Variants in NRG3 observed in about 807,000 individuals in gnomAD.
NRG3 encodes the protein neuregulin 3, also known as pro-neuregulin-3, membrane-bound isoform.
In NRG3, 31 loss-of-function variants were observed where a neutral mutation model predicts 66.9. The ratio of observed to expected loss-of-function variants is 0.46; its 90% confidence interval spans 0.35 to 0.63. The LOEUF (loss-of-function observed/expected upper bound fraction) is 0.63. NRG3 is among the 20% of genes least tolerant of loss of function. NRG3 has a pLI of 0.00. For synonymous variants in NRG3, 393 were observed against 359.4 expected, an observed-to-expected ratio of 1.09 and a Z score of -1.06; for missense variants, 910 against 878.9, an observed-to-expected ratio of 1.04 and a Z score of -0.45.
Position 82,741,660 on chromosome 10 carries a change from G to A in NRG3, c.1027+3010G>A, listed in dbSNP as rs151002014. On this transcript the variant is annotated intron_variant, in intron 3 of 8. Coordinates refer to ENST00000372141, the MANE Select transcript of NRG3 (RefSeq NM_001010848.4). ...CCACATTTTATAGATGAGAAAATTA[G>A]ACCTCAGGGAAGCTAAGTAAACTTG... Among the ~76,000 whole-genome samples the A allele has an allele frequency of 1.7e-4, 26 of 152,248 alleles. No individual in the cohort carries two copies. In the South Asian group the frequency reaches 5.0e-3, roughly 29 times the overall value.
intron 2 of NRG3, among the ~76,000 whole-genome samples, chr10:82,709,073 T>G (rs1889710): frequency 0.31 from 47,482 of 152,010 alleles, 8,344 homozygotes; most frequent in African/African-American, 0.47. Context: ...CTCCATGTCC[T>G]CTCTTCTCCC....
chr10:82,479,231 C>T (rs577172231), intron 2 of NRG3, among the ~76,000 whole-genome samples: 1 of 152,142 alleles, frequency 6.6e-6, no homozygotes, highest in South Asian at 2.1e-4. Flanking sequence ...TCCTCAATTT[C>T]TTTGTCTGAA....
chr10:82,715,767 C>G (rs1244596588), intron 2 of NRG3, among the ~76,000 whole-genome samples: 2 of 152,100 alleles, frequency 1.3e-5, no homozygotes, highest in Admixed American at 6.5e-5. Context: ...GTATCATAGA[C>G]CAGTGTCTTA....
intron 1 of NRG3, chr10:82,229,103 A>G (rs1178306946): frequency 6.6e-6 from 1 of 152,198 alleles, no homozygotes; most frequent in Non-Finnish European, 1.5e-5. Flanking sequence ...GCTATATCCC[A>G]CTCTGACCCT....
At chr10:82,603,734 T>C (rs928510095) in intron 2 of NRG3, among the ~76,000 whole-genome samples, 1 of 134,716 alleles carries the variant, frequency 7.4e-6, no homozygotes, top group Admixed American at 7.4e-5. Context: ...TCATGTGAAC[T>C]GTGTTAAAAA....
At chr10:82,830,917 C>T (rs180970326) in intron 3 of NRG3, among the ~76,000 whole-genome samples, 1 of 152,138 alleles carries the variant, frequency 6.6e-6, no homozygotes, top group Non-Finnish European at 1.5e-5. Flanking sequence ...TACAAATAGG[C>T]AGGTCCCTGG....
intron 3 of NRG3, among the ~76,000 whole-genome samples, chr10:82,779,936 T>G (rs1245636073): frequency 2.0e-5 from 3 of 150,978 alleles, no homozygotes; most frequent in Non-Finnish European, 2.9e-5. Flanking sequence ...GTGTTCTCAT[T>G]GTTCAACTCC....
chr10:82,490,213 C>T (rs907697475), intron 2 of NRG3, among the ~76,000 whole-genome samples: 2 of 152,190 alleles, frequency 1.3e-5, no homozygotes, highest in African/African-American at 4.8e-5. Flanking sequence ...TAAGATGTAT[C>T]TACACTCAGG....
intron 1 of NRG3, among the ~76,000 whole-genome samples, chr10:82,223,082 C>T (rs2076014762): frequency 6.6e-6 from 1 of 152,154 alleles, no homozygotes; most frequent in Non-Finnish European, 1.5e-5. Context: ...AGGATTTCTT[C>T]AGTTAGCAAT....
chr10:81,960,805 G>A (rs1256428751), intron 1 of NRG3, among the ~76,000 whole-genome samples: 1 of 151,870 alleles, frequency 6.6e-6, no homozygotes, highest in African/African-American at 2.4e-5. Flanking sequence ...CTGATTTCAG[G>A]CTCGATGAAG....
At chr10:82,650,119 CCAAA>C (rs1291617606) in intron 2 of NRG3, among the ~76,000 whole-genome samples, 2 of 152,242 alleles carry the variant, frequency 1.3e-5, no homozygotes, top group East Asian at 1.9e-4. Context: ...ACCTAAACAA[CCAAA>C]CAAACAAAAG....
chr10:82,791,526 A>G (rs537397082), intron 3 of NRG3, among the ~76,000 whole-genome samples: 4 of 151,868 alleles, frequency 2.6e-5, no homozygotes, highest in Non-Finnish European at 5.9e-5. Flanking sequence ...GCAGTTTACA[A>G]CTCTGTAATT....
At chr10:82,876,753 G>T (rs1841852934) in intron 4 of NRG3, among the ~76,000 whole-genome samples, 1 of 152,144 alleles carries the variant, frequency 6.6e-6, no homozygotes, top group African/African-American at 2.4e-5. Context: ...GCCAGGCATG[G>T]TGGCTCACGC....
At chr10:81,949,835 G>T (rs1676949312) in intron 1 of NRG3, among the ~76,000 whole-genome samples, 2 of 152,152 alleles carry the variant, frequency 1.3e-5, no homozygotes, top group Non-Finnish European at 2.9e-5. Flanking sequence ...GAATTTTCTT[G>T]AGACTTGAAA....
intron 2 of NRG3, among the ~76,000 whole-genome samples, chr10:82,484,251 AC>A (rs944629008): frequency 6.6e-6 from 1 of 152,154 alleles, no homozygotes; most frequent in African/African-American, 2.4e-5. Context: ...AGTGGGTGAG[AC>A]GTTAAGTTTC....
intron 2 of NRG3, among the ~76,000 whole-genome samples, chr10:82,481,130 T>G (rs1415323876): frequency 6.6e-6 from 1 of 152,248 alleles, no homozygotes; most frequent in Non-Finnish European, 1.5e-5. Flanking sequence ...TTTCTTGTAC[T>G]GCCAGACTTC....
At position 82,491,299 on chromosome 10, in the gene NRG3, T is replaced by TATATATATATATAC. The variant is rs1554942733; in HGVS notation, c.953+132444_953+132445insCATATATATATATA. On this transcript the variant is annotated intron_variant, in intron 2 of 8. Transcript: ENST00000372141. Reference sequence around the variant, plus strand: ...GCCTATGCTGTTCCCATAAAATATATATATATATATATATATAAAATAAAG... The same window carrying TATATATATATATAC: ...GCCTATGCTGTTCCCATAAAATATATATATATATATATACATATATATATATATATAAAATAAAG... Among the ~76,000 whole-genome samples, 4 of 131,704 alleles carry TATATATATATATAC rather than the reference T, an allele frequency of 3.0e-5. 1 individual carries two copies. Among genetic ancestry groups the TATATATATATATAC allele is most frequent in the Non-Finnish European group, 6.7e-5 (4 of 59,374 alleles). 86.4% of individuals were successfully genotyped at this position (131,704 alleles called of 152,430 possible). A position where few individuals can be genotyped will look rare whatever the true frequency, so the allele number is the denominator to read the frequency against.
chr10:82,294,426 A>T (rs999046622), intron 1 of NRG3, among the ~76,000 whole-genome samples: 1 of 145,668 alleles, frequency 6.9e-6, no homozygotes, highest in Non-Finnish European at 1.5e-5. Flanking sequence ...CACATATTCT[A>T]CTGATGAAGT....
rs142347026 is a variant in NRG3 at position 82,909,345 on chromosome 10, T to A, written c.1055-42124T>A. Among the ~76,000 whole-genome samples the A allele has an allele frequency of 7.2e-5, 11 of 152,238 alleles. 2 individuals carry two copies. Among genetic ancestry groups the A allele is most frequent in the African/African-American group, 2.6e-4 (11 of 41,544 alleles). On this transcript the variant is annotated intron_variant, in intron 4 of 8. Coordinates refer to ENST00000372141, the MANE Select transcript of NRG3 (RefSeq NM_001010848.4). ...TCTGAAGAACAATACAGGTTGAACATCCCTAATCTGAAAATTCAAACTCCA... is the reference window on the plus strand; with the variant it reads ...TCTGAAGAACAATACAGGTTGAACAACCCTAATCTGAAAATTCAAACTCCA...
Sources: gnomAD v4.1 joint callset for allele counts (sites outside exome capture counted in the v4.1 genomes callset) on GRCh38, gnomAD v4.1.1 for gene constraint, MANE v1.5 for transcripts, NCBI Gene and HGNC (gene_info 2026-07-23, HGNC 2026-07-21) for gene names.